The following APLP2 variants were observed in gnomAD, a reference collection of about 807,000 sequenced individuals.
APLP2 encodes the protein CDEI box-binding protein.
A neutral mutation model predicts 89.9 loss-of-function variants in APLP2; 53 were observed. That is an observed-to-expected ratio of 0.59 (90% CI 0.47 to 0.74). APLP2 has a LOEUF of 0.74. APLP2 is among the 30% of genes least tolerant of loss of function. The pLI is 0.00. For missense variants in APLP2, 973 were observed against 975.9 expected, an observed-to-expected ratio of 1.00 and a Z score of 0.04; for synonymous variants, 372 against 348.6, an observed-to-expected ratio of 1.07 and a Z score of -0.75.
Position 130,122,312 on chromosome 11 carries a change from C to A in APLP2, c.721C>A (p.Pro241Thr), listed in dbSNP as rs1386373767. The change falls in exon 6 of 17, where the codon CCT becomes ACT. Residue 241 changes from proline (P) to threonine (T), a missense_variant. Transcript: ENST00000338167. Reference protein sequence around the residue: ...EDYDVYKSEFPTEADLEDFTE... With the variant: ...EDYDVYKSEFTTEADLEDFTE... ...TTCTATTTTGGCCTTCAGTGAATTT[C>A]CTACTGAAGCAGATCTGGAAGACTT... The A allele has an allele frequency of 1.2e-6, 2 of 1,613,960 alleles. No homozygotes were observed. Among genetic ancestry groups the A allele is most frequent in the Non-Finnish European group, 1.7e-6 (2 of 1,179,998 alleles).
intron 1 of APLP2, among the ~76,000 whole-genome samples, chr11:130,071,945 G>A (rs1048747535): frequency 1.5e-4 from 23 of 152,282 alleles, no homozygotes; most frequent in African/African-American, 5.5e-4. Flanking sequence ...AGGGACTGTC[G>A]AAGCTTAATT....
intron 1 of APLP2, among the ~76,000 whole-genome samples, chr11:130,090,237 C>T (rs1041886936): frequency 1.4e-5 from 2 of 138,496 alleles, no homozygotes; most frequent in Non-Finnish European, 3.1e-5. Context: ...TATTCTAGTT[C>T]TAGCTCTGTC....
At chr11:130,091,536 C>CG (rs1357906439) in intron 1 of APLP2, among the ~76,000 whole-genome samples, 1 of 134,254 alleles carries the variant, frequency 7.4e-6, no homozygotes, top group African/African-American at 3.0e-5. Context: ...GCTGGCCGGG[C>CG]GGGGGGCTGA....
intron 3 of APLP2, among the ~76,000 whole-genome samples, chr11:130,115,018 A>C (rs1447857035): frequency 1.3e-5 from 2 of 151,410 alleles, no homozygotes; most frequent in Non-Finnish European, 2.9e-5. Flanking sequence ...TGAATGTTCC[A>C]CTCTCGAGAG....
At chr11:130,106,195 C>A (rs1947731345) in intron 1 of APLP2, among the ~76,000 whole-genome samples, 1 of 152,178 alleles carries the variant, frequency 6.6e-6, no homozygotes, top group Non-Finnish European at 1.5e-5. Context: ...CTTTAGTGTT[C>A]TGTGTTTATG....
At chr11:130,126,581 G>A in intron 7 of APLP2, 119 bp from the exon 8 acceptor site, 1 of 1,168,004 alleles carries the variant, frequency 8.6e-7, no homozygotes, top group South Asian at 1.4e-5. Context: ...GCAGCACCCT[G>A]CACTTAGAGA....
chr11:130,119,774 A>G (rs1344962018), intron 3 of APLP2, among the ~76,000 whole-genome samples: 1 of 152,210 alleles, frequency 6.6e-6, no homozygotes, highest in Non-Finnish European at 1.5e-5. Flanking sequence ...GGATATCACG[A>G]CAGTTCATTT....
At chr11:130,124,144 G>C (rs555707669) in intron 7 of APLP2, among the ~76,000 whole-genome samples, 2 of 152,278 alleles carry the variant, frequency 1.3e-5, no homozygotes, top group African/African-American at 4.8e-5. Flanking sequence ...CCCTGGGCTG[G>C]CTCTAGCTTA....
chr11:130,079,089 T>A (rs532649273), intron 1 of APLP2, among the ~76,000 whole-genome samples: 1 of 151,560 alleles, frequency 6.6e-6, no homozygotes, highest in Non-Finnish European at 1.5e-5. Flanking sequence ...TTTTTTTTAT[T>A]TATTTATTTA....
rs932301771 is a variant in APLP2, at chr11:130,141,245, C to T, written c.1924-253C>T. 3 of 493,196 alleles carry T rather than the reference C, an allele frequency of 6.1e-6. No homozygotes were observed. Among genetic ancestry groups the T allele is most frequent in the Admixed American group, 7.1e-5 (2 of 28,030 alleles). 30.6% of individuals were successfully genotyped at this position (493,196 alleles called of 1,614,324 possible). The stretch of plus-strand genomic sequence containing the variant: ...TGGCAGTCTGTTCTGAGATACGTCT[C>T]CACAACGGTTACTTGAAGGAAAATG... On this transcript the variant is annotated intron_variant, in intron 14 of 16. Transcript: ENST00000338167. This position sits in a 1 kb window ranked among gnomAD's most constrained non-coding sequence, Gnocchi z 4.2.
At chr11:130,071,115 C>G (rs545028478) in intron 1 of APLP2, among the ~76,000 whole-genome samples, 1 of 152,364 alleles carries the variant, frequency 6.6e-6, no homozygotes, top group South Asian at 2.1e-4. Context: ...CCTCTTCGCT[C>G]TTTTAAAAAT....
chr11:130,093,447 A>C (rs1945723855), intron 1 of APLP2, among the ~76,000 whole-genome samples: 1 of 152,242 alleles, frequency 6.6e-6, no homozygotes, highest in Admixed American at 6.5e-5. Context: ...TTCAGATAAC[A>C]AAGGGTTCTT....
intron 1 of APLP2, among the ~76,000 whole-genome samples, chr11:130,071,687 AAAT>A (rs1591747218): frequency 6.6e-6 from 1 of 152,210 alleles, no homozygotes; most frequent in African/African-American, 2.4e-5. Context: ...TAGCGGGAAA[AAAT>A]AATATGAGAA....
rs1950102511 is a variant in APLP2, at chr11:130,123,863, G to T, written c.1090+84G>T. ...CCCTGCCGTCTTCGTGGCTGCATCT[G>T]TGTGGTGTCCCTGCCCACTCGGGTG... On this transcript the variant is annotated intron_variant, in intron 7 of 16. Coordinates refer to ENST00000338167, the MANE Select transcript of APLP2 (RefSeq NM_001142276.2). The surrounding 1 kb of genome is among the most constrained non-coding windows in gnomAD (Gnocchi z 4.0). 1.3e-6 allele frequency: 2 copies of T among 1,484,818 alleles called. No individual in the cohort carries two copies. Among genetic ancestry groups the T allele is most frequent in the Non-Finnish European group, 1.8e-6 (2 of 1,082,162 alleles). The allele number at this position is 1,484,818 out of a possible 1,614,324, so 92.0% of individuals were successfully genotyped here.
At chr11:130,143,276 T>C in intron 16 of APLP2, 71 bp from the exon 17 acceptor site, 2 of 1,406,842 alleles carry the variant, frequency 1.4e-6, no homozygotes. Flanking sequence ...AGCAAATGGC[T>C]CAGGTCTCCC....
chr11:130,085,956 G>C (rs1158610260), intron 1 of APLP2, among the ~76,000 whole-genome samples: 1 of 152,184 alleles, frequency 6.6e-6, no homozygotes, highest in Non-Finnish European at 1.5e-5. Context: ...ATGGGCACTT[G>C]GGATGTTTCT....
At chr11:130,079,227 T>A (rs1942714767) in intron 1 of APLP2, among the ~76,000 whole-genome samples, 3 of 152,066 alleles carry the variant, frequency 2.0e-5, no homozygotes, top group South Asian at 2.1e-4. Flanking sequence ...GCCTTCTGAG[T>A]AGCTGGGATT....
At chr11:130,118,927 G>A (rs1034637448) in intron 3 of APLP2, among the ~76,000 whole-genome samples, 4 of 152,124 alleles carry the variant, frequency 2.6e-5, no homozygotes, top group African/African-American at 7.2e-5. Context: ...GTTTTCATGT[G>A]GGGGGACTGT....
intron 1 of APLP2, among the ~76,000 whole-genome samples, chr11:130,099,488 C>T (rs1373536447): frequency 6.6e-6 from 1 of 152,192 alleles, no homozygotes; most frequent in Non-Finnish European, 1.5e-5. Flanking sequence ...ACATAGTGCT[C>T]TTCTGATCAC....
Sources: gnomAD v4.1 joint callset for allele counts (sites outside exome capture counted in the v4.1 genomes callset) on GRCh38, gnomAD v4.1.1 for gene constraint, Gnocchi (gnomAD v3.1) non-coding constraint, MANE v1.5 for transcripts, NCBI Gene and HGNC (gene_info 2026-07-23, HGNC 2026-07-21) for gene names.